Variants in IREB2 observed in about 807,000 individuals in gnomAD.
IREB2 encodes the protein iron responsive element binding protein 2, also known as iron-responsive element-binding protein 2.
A neutral mutation model predicts 118.8 loss-of-function variants in IREB2; 39 were observed. The ratio of observed to expected loss-of-function variants is 0.33; its 90% CI spans 0.25 to 0.43. The LOEUF (loss-of-function observed/expected upper bound fraction) is 0.43, where lower values mean the gene tolerates loss of function less well. Ranked by LOEUF, IREB2 falls within the 20% of genes least tolerant of loss-of-function variation. The pLI is 1.00. For synonymous variants in IREB2, 372 were observed against 392.2 expected, an observed-to-expected ratio of 0.95 and a Z score of 0.61; for missense variants, 900 against 1,147.3, an observed-to-expected ratio of 0.78 and a Z score of 3.11.
At chr15:78,495,069 TG>T (rs1031191244) in intron 20 of IREB2, among the ~76,000 whole-genome samples, 1 of 151,992 alleles carries the variant, frequency 6.6e-6, no homozygotes, top group South Asian at 2.1e-4. Flanking sequence ...GGCCATCTGC[TG>T]GGGGGGAATA....
At chr15:78,460,426 A>G (rs1378248956) in intron 2 of IREB2, among the ~76,000 whole-genome samples, 1 of 152,226 alleles carries the variant, frequency 6.6e-6, no homozygotes, top group East Asian at 1.9e-4. Context: ...TTTAAGAGTC[A>G]TTATGAACTA....
At chr15:78,439,977 C>A in intron 2 of IREB2, 96 bp downstream of exon 2, 1 of 764,970 alleles carries the variant, frequency 1.3e-6, no homozygotes, top group Middle Eastern at 2.3e-4. Flanking sequence ...TGTATTTCCA[C>A]CGTATTGTAA....
chr15:78,498,237 C>T lies in IREB2; in HGVS notation c.*94C>T. 1 of 668,918 alleles carries T rather than the reference C, an allele frequency of 1.5e-6. No individual in the cohort carries two copies. Among genetic ancestry groups the T allele is most frequent in the Non-Finnish European group, 2.7e-6 (1 of 368,920 alleles). 41.4% of individuals were successfully genotyped at this position (668,918 alleles called of 1,614,324 possible). A position where few individuals can be genotyped will look rare whatever the true frequency, so the allele number is the denominator to read the frequency against. ...CTTACCATGGAGCAGCAGATAGTCC[C>T]AGTATACTCACTTATCTCATCCATG... On this transcript the variant is annotated 3_prime_UTR_variant, in exon 22 of 22. Transcript: ENST00000258886.
intron 2 of IREB2, among the ~76,000 whole-genome samples, chr15:78,450,083 G>A (rs2050998013): frequency 1.3e-5 from 2 of 152,064 alleles, no homozygotes; most frequent in Admixed American, 1.3e-4. Flanking sequence ...TAAACAATAT[G>A]ATTTAATTTA....
rs1444770027 is a variant in IREB2, at chr15:78,498,173, C to G, written c.*30C>G. ...TACTTACCATAGATACCTTTCATAA[C>G]TGGTAACTGCAAAGCCTTTTGTGCT... is the stretch of plus-strand genomic sequence containing the variant. On this transcript the variant is annotated 3_prime_UTR_variant, in exon 22 of 22. Transcript: ENST00000258886. 1.6e-6 allele frequency: 2 copies of G among 1,250,004 alleles called. No individual in the cohort carries two copies. The highest frequency in any genetic ancestry group is 2.4e-6 in the Non-Finnish European group (2 of 849,312). The allele number at this position is 1,250,004 out of a possible 1,614,324, so 77.4% of individuals were successfully genotyped here.
chr15:78,476,593 G>A, intron 9 of IREB2: 1 of 299,216 alleles, frequency 3.3e-6, no homozygotes, highest in Non-Finnish European at 6.3e-6. Flanking sequence ...CATTGATCCT[G>A]ACTTGACTGT....
intron 18 of IREB2, among the ~76,000 whole-genome samples, chr15:78,491,628 G>A (rs1227738376): frequency 1.3e-5 from 2 of 152,110 alleles, no homozygotes; most frequent in Non-Finnish European, 2.9e-5. Context: ...CTCCCAACTA[G>A]CTGGGATTAC....
chr15:78,441,929 C>T (rs2050850605), intron 2 of IREB2, among the ~76,000 whole-genome samples: 2 of 151,822 alleles, frequency 1.3e-5, no homozygotes, highest in Admixed American at 1.3e-4. Context: ...TTTTTTGAGA[C>T]AGGATCTTGC....
rs1423188393 is a variant in IREB2 at position 78,499,836 on chromosome 15, G to A, written c.*1693G>A. On this transcript the variant is annotated 3_prime_UTR_variant, in exon 22 of 22. Transcript: ENST00000258886. ...GAAATGGTAATTCCAGATTGTGCAGGGGGAAACAAATCTATTTTGTTTTGT... is the reference window on the plus strand; with the variant it reads ...GAAATGGTAATTCCAGATTGTGCAGAGGGAAACAAATCTATTTTGTTTTGT... 2 of 152,132 alleles carry A rather than the reference G, an allele frequency of 1.3e-5. No homozygotes were observed. Among genetic ancestry groups the A allele is most frequent in the African/African-American group, 4.8e-5 (2 of 41,430 alleles). The allele number at this position is 152,132 out of a possible 1,614,324, so 9.4% of individuals were successfully genotyped here.
chr15:78,471,422 GGA>G (rs1369316137), intron 6 of IREB2, among the ~76,000 whole-genome samples: 2 of 152,242 alleles, frequency 1.3e-5, no homozygotes, highest in Admixed American at 6.5e-5. Context: ...CTCTAGTTTA[GGA>G]GAGAGAGCTT....
intron 2 of IREB2, among the ~76,000 whole-genome samples, 194 bp from the exon 3 acceptor site, chr15:78,462,728 C>G (rs1311965641): frequency 1.3e-5 from 2 of 152,044 alleles, no homozygotes; most frequent in South Asian, 2.1e-4. Flanking sequence ...AGGTTATGTA[C>G]AGGAAAGTCA....
In IREB2 at chr15:78,476,323, G is replaced by A. The variant is rs369609974; in HGVS notation, c.1159G>A (p.Val387Ile). 22 of 1,592,666 alleles carry A rather than the reference G, an allele frequency of 1.4e-5. No homozygotes were observed. Among genetic ancestry groups the A allele is most frequent in the Non-Finnish European group, 1.7e-5 (20 of 1,164,444 alleles). Residue 387 changes from valine to isoleucine, a missense_variant, in exon 9 of 22, where the codon GTT becomes ATT. Coordinates refer to ENST00000258886, the MANE Select transcript of IREB2 (RefSeq NM_004136.4). ...EYGAILSFFP[V>I]DNVTLKHLEH... is the part of the protein sequence containing the mutation. ...TGGTGCTATCCTCAGCTTTTTCCCT[G>A]TTGACAATGTGACATTAAAACATTT...
In IREB2 at chr15:78,488,674, A is replaced by G. The variant is rs760843293; in HGVS notation, c.1979A>G (p.Tyr660Cys). 6.2e-7 allele frequency: 1 copy of G among 1,612,772 alleles called. No individual in the cohort carries two copies. The highest frequency in any genetic ancestry group is 8.5e-7 in the Non-Finnish European group (1 of 1,179,440). ...LGTDPTGKNI[Y>C]LHDIWPSREE... is the part of the protein sequence containing the mutation. ...ACTGACCCCACCGGCAAGAACATTT[A>G]CCTGCATGATATTTGGCCTAGTCGA... Residue 660 changes from tyrosine to cysteine, a missense_variant, in exon 16 of 22, where the codon TAC becomes TGC. Tyr to Cys is a radical substitution (Grantham distance 194). Coordinates refer to ENST00000258886, the MANE Select transcript of IREB2 (RefSeq NM_004136.4).
In IREB2 at chr15:78,465,027, CT is replaced by C. The variant is rs2051258215; in HGVS notation, c.273-222del. Among the ~76,000 whole-genome samples, 4 of 152,270 alleles carry C rather than the reference CT, an allele frequency of 2.6e-5. No individual in the cohort carries two copies. The South Asian group carries it at 8.3e-4, about 32-fold the overall frequency. On this transcript the variant is annotated intron_variant, in intron 3 of 21. Transcript: ENST00000258886. ...TTCGCTTATGCCTCAAAAATTATCT[CT>C]TATTATTTTTGGCATATTTGCCCAA...
intron 2 of IREB2, among the ~76,000 whole-genome samples, chr15:78,457,351 A>T (rs561513378): frequency 6.6e-6 from 1 of 151,914 alleles, no homozygotes; most frequent in African/African-American, 2.4e-5. Flanking sequence ...TTTGTTTTGG[A>T]GACTCTCCAA....
intron 8 of IREB2, chr15:78,475,480 A>G (rs2051453268): frequency 1.3e-5 from 2 of 152,230 alleles, no homozygotes; most frequent in South Asian, 4.1e-4. Context: ...TTATTTAAAT[A>G]TACAGTTTCA....
rs1268591091 is a variant in IREB2 at position 78,438,417 on chromosome 15, A to G, written c.19+61A>G. The G allele has an allele frequency of 1.5e-5, 24 of 1,558,126 alleles. No homozygotes were observed. In the Admixed American group the frequency reaches 2.9e-4, roughly 19 times the overall value. On this transcript the variant is annotated intron_variant, in intron 1 of 21. Transcript: ENST00000258886. ...GGAAACGCGCGCTGCCTAGGCGCCG[A>G]ATTCCTTGCTTTTCTCGCCTGGAGT...
chr15:78,458,381 C>T (rs1333611246), intron 2 of IREB2, among the ~76,000 whole-genome samples: 1 of 152,072 alleles, frequency 6.6e-6, no homozygotes, highest in African/African-American at 2.4e-5. Flanking sequence ...AGGCTACGTA[C>T]TTGTGGGAGT....
chr15:78,476,101 T>G, intron 8 of IREB2, 87 bp from the exon 9 acceptor site: 1 of 1,025,714 alleles, frequency 9.7e-7, no homozygotes, highest in Non-Finnish European at 1.4e-6. Context: ...TAGTATTGGT[T>G]AAAAATTTTA....
Sources: gnomAD v4.1 joint callset for allele counts (sites outside exome capture counted in the v4.1 genomes callset) on GRCh38, gnomAD v4.1.1 for gene constraint, MANE v1.5 for transcripts, NCBI Gene and HGNC (gene_info 2026-07-23, HGNC 2026-07-21) for gene names.